NRF1: variants seen among roughly 807,000 people sequenced by gnomAD.
The protein encoded by NRF1 is alpha palindromic-binding protein.
Under a neutral mutation model 58.5 loss-of-function variants are expected in NRF1, and 5 were observed. The observed-to-expected ratio is 0.09, with a 90% CI of 0.04 to 0.18. NRF1 has a LOEUF of 0.18. Among genes scored for constraint, NRF1 ranks in the 10% least tolerant of loss-of-function variants. The probability of loss-of-function intolerance (pLI) is 1.00; values close to 1 mark genes in which losing one functional copy is unlikely to be tolerated. For synonymous variants in NRF1, 224 were observed against 246.7 expected (o/e 0.91, Z 0.86); for missense variants, 288 against 657.7 (o/e 0.44, Z 6.15).
At chr7:129,743,524 T>G (rs1228123372) in intron 10 of NRF1, among the ~76,000 whole-genome samples, 1 of 152,254 alleles carries the variant, frequency 6.6e-6, no homozygotes, top group Non-Finnish European at 1.5e-5. Context: ...ACTACACAGT[T>G]GCTTTGACTC....
intron 1 of NRF1, among the ~76,000 whole-genome samples, chr7:129,619,295 T>G (rs1454629220): frequency 6.7e-6 from 1 of 148,618 alleles, no homozygotes; most frequent in African/African-American, 2.5e-5. Context: ...GGAGGATCGC[T>G]TGAACCCAGC....
At chr7:129,617,990 T>C (rs1800691254) in intron 1 of NRF1, among the ~76,000 whole-genome samples, 1 of 152,210 alleles carries the variant, frequency 6.6e-6, no homozygotes, top group African/African-American at 2.4e-5. Context: ...GTGTGAACTT[T>C]ATTCTATAGG....
At position 129,644,231 on chromosome 7, in the gene NRF1, G is replaced by A. The variant is rs1049577354; in HGVS notation, c.-6-13115G>A. On this transcript the variant is annotated intron_variant, in intron 1 of 10. Coordinates refer to ENST00000393232, the MANE Select transcript of NRF1 (RefSeq NM_005011.5). ...TATTTTTTAAGCTCTTATAACCCAG[G>A]GGCTTAGAGAGATGTTTCAGTAAAG... Among the ~76,000 whole-genome samples the A allele has an allele frequency of 2.0e-5, 3 of 152,118 alleles. No individual in the cohort carries two copies. In the South Asian group the frequency reaches 6.2e-4, roughly 31 times the overall value.
At chr7:129,646,856 T>A (rs146411185) in intron 1 of NRF1, among the ~76,000 whole-genome samples, 2 of 151,984 alleles carry the variant, frequency 1.3e-5, no homozygotes, top group Non-Finnish European at 2.9e-5. Flanking sequence ...GAGAGAGAGA[T>A]AAACAGCAAG....
chr7:129,675,587 A>G (rs1334551938), intron 3 of NRF1, among the ~76,000 whole-genome samples: 1 of 152,266 alleles, frequency 6.6e-6, no homozygotes, highest in African/African-American at 2.4e-5. Context: ...TGAAAACAGC[A>G]TTAATCTCCT....
intron 4 of NRF1, among the ~76,000 whole-genome samples, chr7:129,681,782 A>C (rs1370375112): frequency 6.6e-6 from 1 of 151,840 alleles, no homozygotes. Context: ...ATATTCTTCA[A>C]GTAACTTTAA....
chr7:129,650,077 AT>A (rs1736086295), intron 1 of NRF1, among the ~76,000 whole-genome samples: 1 of 152,072 alleles, frequency 6.6e-6, no homozygotes, highest in African/African-American at 2.4e-5. Flanking sequence ...GATGAAGGAT[AT>A]ATTGCACCCC....
intron 1 of NRF1, among the ~76,000 whole-genome samples, chr7:129,642,432 G>A (rs1363065680): frequency 6.6e-6 from 1 of 152,138 alleles, no homozygotes; most frequent in African/African-American, 2.4e-5. Context: ...ACTACTGTAT[G>A]TTCTTACAGG....
intron 1 of NRF1, among the ~76,000 whole-genome samples, chr7:129,636,850 T>C (rs1044391477): frequency 1.3e-5 from 2 of 152,208 alleles, no homozygotes; most frequent in African/African-American, 4.8e-5. Flanking sequence ...AGTGCTTGAA[T>C]CATATTGAAC....
chr7:129,660,484 G>C (rs1355871582), intron 2 of NRF1, among the ~76,000 whole-genome samples: 1 of 150,832 alleles, frequency 6.6e-6, no homozygotes, highest in African/African-American at 2.5e-5. Flanking sequence ...AGATACAGTG[G>C]GGGTACAGGG....
Position 129,727,271 on chromosome 7 carries a change from G to C in NRF1, c.1254G>C (p.Leu418=). 6.2e-7 allele frequency: 1 copy of C among 1,604,070 alleles called. No individual in the cohort carries two copies. Among genetic ancestry groups the C allele is most frequent in the Non-Finnish European group, 8.5e-7 (1 of 1,177,210 alleles). ...SEAAAHAVAT[L]AEATLQGGGQ... Reference sequence around the variant, plus strand: ...CTGCCGCCCATGCTGTCGCCACCCTGGCTGAGGCCACCTTACAAGGTGGGG... The same window carrying C: ...CTGCCGCCCATGCTGTCGCCACCCTCGCTGAGGCCACCTTACAAGGTGGGG... The change falls in exon 10 of 11, where the codon CTG becomes CTC. Residue 418 remains leucine, a synonymous_variant. Coordinates refer to ENST00000393232, the MANE Select transcript of NRF1 (RefSeq NM_005011.5).
At chr7:129,749,480 G>A (rs1804062396) in intron 10 of NRF1, among the ~76,000 whole-genome samples, 1 of 151,874 alleles carries the variant, frequency 6.6e-6, no homozygotes, top group Non-Finnish European at 1.5e-5. Context: ...GTCCTTGACA[G>A]GGAAACATGG....
At chr7:129,742,866 G>T (rs530513542) in intron 10 of NRF1, among the ~76,000 whole-genome samples, 1 of 152,092 alleles carries the variant, frequency 6.6e-6, no homozygotes, top group African/African-American at 2.4e-5. Context: ...CCTCAGTCAC[G>T]CTGGCCACAT....
At chr7:129,700,383 C>T (rs760489769) in intron 5 of NRF1, among the ~76,000 whole-genome samples, 1 of 152,116 alleles carries the variant, frequency 6.6e-6, no homozygotes, top group Non-Finnish European at 1.5e-5. Flanking sequence ...ACACTCCAGA[C>T]CAATTAAGTC....
At chr7:129,673,737 C>A (rs1802109329) in intron 3 of NRF1, among the ~76,000 whole-genome samples, 1 of 119,370 alleles carries the variant, frequency 8.4e-6, no homozygotes. Flanking sequence ...AAAAAAAAAG[C>A]TGTTTTCGGT....
chr7:129,672,913 TG>T, intron 3 of NRF1, among the ~76,000 whole-genome samples: 1 of 152,168 alleles, frequency 6.6e-6, no homozygotes, highest in Non-Finnish European at 1.5e-5. Context: ...ACTAGGAGAC[TG>T]GATGAGGTCA....
intron 5 of NRF1, among the ~76,000 whole-genome samples, chr7:129,708,749 T>C (rs1444074028): frequency 6.6e-6 from 1 of 152,158 alleles, no homozygotes; most frequent in African/African-American, 2.4e-5. Context: ...CTTACATGCA[T>C]GAAAACTGTA....
chr7:129,691,364 A>T (rs71581783), intron 5 of NRF1, among the ~76,000 whole-genome samples: 22,526 of 134,102 alleles, frequency 0.17, 2,088 homozygotes, highest in Middle Eastern at 0.2. Flanking sequence ...TATTATTATT[A>T]TTTTTTTTTT....
intron 1 of NRF1, among the ~76,000 whole-genome samples, chr7:129,620,545 T>G (rs1466928112): frequency 6.6e-6 from 1 of 151,994 alleles, no homozygotes; most frequent in Non-Finnish European, 1.5e-5. Flanking sequence ...CCTGCCACCA[T>G]GCCCAGCTAA....
Sources: gnomAD v4.1 joint callset for allele counts (sites outside exome capture counted in the v4.1 genomes callset) on GRCh38, gnomAD v4.1.1 for gene constraint, MANE v1.5 for transcripts, NCBI Gene and HGNC (gene_info 2026-07-23, HGNC 2026-07-21) for gene names.